Variants in C1QTNF3 observed in about 807,000 individuals in gnomAD.
C1QTNF3 encodes complement C1q tumor necrosis factor-related protein 3.
C1QTNF3 carries 26 observed loss-of-function variants against 32.6 expected under a neutral mutation model. That is an observed-to-expected ratio of 0.80 (90% CI 0.58 to 1.11). The LOEUF is 1.11. Among genes scored for constraint, C1QTNF3 ranks in the 50% least tolerant of loss-of-function variants. C1QTNF3 has a pLI of 0.00. For synonymous variants in C1QTNF3, 155 were observed against 146.0 expected (o/e 1.06, Z -0.44); for missense variants, 362 against 398.2 (o/e 0.91, Z 0.77).
At chr5:34,196,805 G>A in the C1QTNF3 span, among the ~76,000 whole-genome samples, 13 of 151,514 alleles carry the variant, frequency 8.6e-5, no homozygotes, top group South Asian at 2.1e-4. Context: ...GACTGCAGGC[G>A]CCCGCCACCA....
At chr5:34,172,064 T>C in the C1QTNF3 span, among the ~76,000 whole-genome samples, 2 of 152,194 alleles carry the variant, frequency 1.3e-5, no homozygotes, top group African/African-American at 2.4e-5. Context: ...ACATTTAATC[T>C]ATTCCAAAAG....
chr5:34,032,313 G>A (rs1754632602), intron 3 of C1QTNF3, among the ~76,000 whole-genome samples: 1 of 152,156 alleles, frequency 6.6e-6, no homozygotes, highest in South Asian at 2.1e-4. Context: ...TCATTTAAAA[G>A]AGAGAGAAAG....
chr5:34,048,285 T>TGTGC, the C1QTNF3 span, among the ~76,000 whole-genome samples: 39 of 98,408 alleles, frequency 4.0e-4, 1 homozygote, highest in African/African-American at 1.3e-3. Flanking sequence ...TGTGTGTGTG[T>TGTGC]GCATGAGAGA....
chr5:34,128,296 A>C, the C1QTNF3 span, among the ~76,000 whole-genome samples: 12 of 152,180 alleles, frequency 7.9e-5, no homozygotes, highest in African/African-American at 2.4e-4. Context: ...ATCCAGGCAG[A>C]AGTGTGCTGC....
chr5:34,053,908 G>A, the C1QTNF3 span, among the ~76,000 whole-genome samples: 2 of 152,308 alleles, frequency 1.3e-5, no homozygotes, highest in South Asian at 4.1e-4. Context: ...GAAAAGAGAT[G>A]AATTAAGTTT....
chr5:34,226,632 G>A, the C1QTNF3 span, among the ~76,000 whole-genome samples: 2 of 151,174 alleles, frequency 1.3e-5, no homozygotes, highest in African/African-American at 2.4e-5. Context: ...AAGGTTTAGG[G>A]GCATCAAACC....
chr5:34,081,404 A>G, the C1QTNF3 span, among the ~76,000 whole-genome samples: 1 of 151,728 alleles, frequency 6.6e-6, no homozygotes, highest in Non-Finnish European at 1.5e-5. Flanking sequence ...TTTGAATCCA[A>G]AATTCTAAAT....
At chr5:34,170,767 A>G in the C1QTNF3 span, among the ~76,000 whole-genome samples, 1 of 152,172 alleles carries the variant, frequency 6.6e-6, no homozygotes, top group Non-Finnish European at 1.5e-5. Flanking sequence ...AAGAATTGAT[A>G]CCAACTGCAG....
the C1QTNF3 span, among the ~76,000 whole-genome samples, chr5:34,115,506 G>A: frequency 1.3e-5 from 2 of 152,018 alleles, no homozygotes; most frequent in East Asian, 1.9e-4. Flanking sequence ...CTAGGCGGGA[G>A]GATCACAAGG....
chr5:34,217,001 ATTG>A, the C1QTNF3 span, among the ~76,000 whole-genome samples: 1 of 152,124 alleles, frequency 6.6e-6, no homozygotes, highest in African/African-American at 2.4e-5. Flanking sequence ...CAGAAAAATT[ATTG>A]TTTTTATTAT....
At chr5:34,120,478 C>T in the C1QTNF3 span, among the ~76,000 whole-genome samples, 9 of 151,968 alleles carry the variant, frequency 5.9e-5, no homozygotes. Context: ...AACAATATGC[C>T]ATATTTACTT....
the C1QTNF3 span, chr5:34,175,439 A>C: frequency 1.1e-5 from 2 of 187,198 alleles, no homozygotes; most frequent in Non-Finnish European, 2.2e-5. Flanking sequence ...AAACAGACTG[A>C]AATACCTTAA....
the C1QTNF3 span, among the ~76,000 whole-genome samples, chr5:34,051,649 T>C: frequency 6.6e-6 from 1 of 152,234 alleles, no homozygotes; most frequent in African/African-American, 2.4e-5. Context: ...TGTCCCAAGA[T>C]ACTTCCTGAG....
At chr5:34,155,285 G>C in the C1QTNF3 span, among the ~76,000 whole-genome samples, 3 of 152,166 alleles carry the variant, frequency 2.0e-5, no homozygotes, top group Non-Finnish European at 4.4e-5. Flanking sequence ...TTATTTGACC[G>C]AGGCAGTTTC....
the C1QTNF3 span, among the ~76,000 whole-genome samples, chr5:34,115,442 A>C: frequency 6.6e-6 from 1 of 152,058 alleles, no homozygotes; most frequent in African/African-American, 2.4e-5. Context: ...GAAAAACTTC[A>C]GCTGGTGGCC....
At chr5:34,072,200 C>T in the C1QTNF3 span, among the ~76,000 whole-genome samples, 1 of 151,058 alleles carries the variant, frequency 6.6e-6, no homozygotes, top group Non-Finnish European at 1.5e-5. Context: ...GTTGCCCAAG[C>T]TGGTTTTGAA....
chr5:34,045,886 A>G (rs962937566), upstream of C1QTNF3, among the ~76,000 whole-genome samples: 1 of 152,128 alleles, frequency 6.6e-6, no homozygotes, highest in Non-Finnish European at 1.5e-5. Flanking sequence ...TGTACCCCCA[A>G]AAGAAACTTA....
chr5:34,203,387 T>C, the C1QTNF3 span, among the ~76,000 whole-genome samples: 2 of 152,180 alleles, frequency 1.3e-5, no homozygotes, highest in Non-Finnish European at 2.9e-5. Flanking sequence ...ACTTAAAATA[T>C]ATAGATTGAT....
At chr5:34,114,229 G>A in the C1QTNF3 span, among the ~76,000 whole-genome samples, 1 of 152,084 alleles carries the variant, frequency 6.6e-6, no homozygotes, top group Non-Finnish European at 1.5e-5. Flanking sequence ...GGGGGTCAGT[G>A]AGTCATCAAC....
Sources: allele counts gnomAD v4.1 joint callset (sites outside exome capture counted in the v4.1 genomes callset), GRCh38; gene constraint gnomAD v4.1.1; transcripts MANE v1.5; gene names NCBI Gene and HGNC (gene_info 2026-07-23, HGNC 2026-07-21).